The following DHRS9 variants were observed in gnomAD, a reference collection of about 807,000 sequenced individuals.
The protein encoded by DHRS9 is dehydrogenase/reductase SDR family member 9.
In DHRS9, 18 loss-of-function variants were observed where a neutral mutation model predicts 26.6. That is an observed-to-expected ratio of 0.68 (90% CI 0.47 to 1.00). The LOEUF (loss-of-function observed/expected upper bound fraction) is 1.00. Among genes scored for constraint, DHRS9 ranks in the 50% least tolerant of loss-of-function variants. The pLI is 0.00. For synonymous variants in DHRS9, 134 were observed against 141.1 expected, an observed-to-expected ratio of 0.95 and a Z score of 0.36; for missense variants, 425 against 378.7, an observed-to-expected ratio of 1.12 and a Z score of -1.01.
chr2:169,095,516 G>C (rs1426669653), intron 4 of DHRS9, 28 bp from the exon 5 acceptor site: 3 of 1,584,960 alleles, frequency 1.9e-6, no homozygotes, highest in Admixed American at 1.7e-5. Context: ...TTCTACCAAA[G>C]AGTAAATGTA....
Position 169,095,697 on chromosome 2 carries a change from T to C in DHRS9, c.890T>C (p.Met297Thr), listed in dbSNP as rs769297619. The C allele has an allele frequency of 1.2e-6, 2 of 1,613,988 alleles. No homozygotes were observed. Among genetic ancestry groups the C allele is most frequent in the South Asian group, 1.1e-5 (1 of 91,082 alleles). ...AKIFWIPLSH[M>T]PAALQDFLLL... The stretch of plus-strand genomic sequence containing the variant: ...ATTTTCTGGATACCTCTGTCTCACA[T>C]GCCAGCAGCTTTGCAAGACTTTTTA... Residue 297 changes from methionine to threonine, a missense_variant, in exon 5 of 5, where the codon ATG becomes ACG. Coordinates refer to ENST00000674881, the MANE Select transcript of DHRS9 (RefSeq NM_001376924.1).
At chr2:169,089,131 TA>T (rs970919295) in intron 3 of DHRS9, among the ~76,000 whole-genome samples, 3 of 152,184 alleles carry the variant, frequency 2.0e-5, no homozygotes, top group Non-Finnish European at 4.4e-5. Context: ...AAAGGACTTA[TA>T]AACATGTGTG....
intron 1 of DHRS9, among the ~76,000 whole-genome samples, chr2:169,079,280 GTC>G (rs1011847122): frequency 1.3e-5 from 2 of 151,918 alleles, no homozygotes; most frequent in African/African-American, 4.8e-5. Context: ...ATCTGAAATA[GTC>G]TGTTTCTCAA....
upstream of DHRS9, chr2:169,069,383 C>T: frequency 2.1e-6 from 2 of 972,536 alleles, no homozygotes; most frequent in Non-Finnish European, 2.4e-6. Flanking sequence ...TGTTATTGAT[C>T]ATTTTAAAGT....
At chr2:169,092,431 C>A (rs898332204) in intron 4 of DHRS9, among the ~76,000 whole-genome samples, 19 of 152,186 alleles carry the variant, frequency 1.2e-4, no homozygotes, top group Non-Finnish European at 1.3e-4. Context: ...TAGTTTACAA[C>A]CTAGTTGACA....
intron 1 of DHRS9, among the ~76,000 whole-genome samples, chr2:169,079,987 A>AGAGAGAGAGAG (rs1684122613): frequency 5.1e-5 from 2 of 39,034 alleles, no homozygotes. Context: ...GAGAGAGAGA[A>AGAGAGAGAGAG]AGAAAGAAAG....
rs749306188 is a variant in DHRS9 at position 169,091,816 on chromosome 2, A to G, written c.599A>G (p.His200Arg). The G allele has an allele frequency of 1.2e-6, 2 of 1,613,546 alleles. No homozygotes were observed. Among genetic ancestry groups the G allele is most frequent in the Admixed American group, 1.7e-5 (1 of 59,956 alleles). The change falls in exon 4 of 5, where the codon CAC becomes CGC. Residue 200 changes from histidine (H) to arginine (R), a missense_variant. By Grantham distance (29) the His-to-Arg change is conservative. Transcript: ENST00000674881. ...CGGGACATGAAAGCTTTTGGTGTGC[A>G]CGTCTCATGCATTGAACCAGGATTG... ...LRRDMKAFGV[H>R]VSCIEPGLFK...
At chr2:169,080,915 AATAC>A (rs1188398535) in intron 1 of DHRS9, 1 of 152,784 alleles carries the variant, frequency 6.5e-6, no homozygotes, top group African/African-American at 2.4e-5. Flanking sequence ...CTCCCACTTT[AATAC>A]TCATCTGCAT....
At chr2:169,095,061 C>T (rs989503124) in intron 4 of DHRS9, among the ~76,000 whole-genome samples, 1 of 152,198 alleles carries the variant, frequency 6.6e-6, no homozygotes, top group Non-Finnish European at 1.5e-5. Flanking sequence ...GTGCAACCCA[C>T]ATTTTCTCTA....
chr2:169,081,024 CA>C (rs199790929), intron 1 of DHRS9: 5 of 576,620 alleles, frequency 8.7e-6, no homozygotes, highest in African/African-American at 2.0e-5. Flanking sequence ...TTAGTGGCAA[CA>C]AAAAATGCTC....
chr2:169,071,394 G>A (rs1250039628), intron 1 of DHRS9, among the ~76,000 whole-genome samples: 1 of 152,166 alleles, frequency 6.6e-6, no homozygotes, highest in East Asian at 1.9e-4. Context: ...GGGATGTGAT[G>A]GTGAATTATA....
At position 169,081,868 on chromosome 2, in the gene DHRS9, G is replaced by A. The variant is rs767273633; in HGVS notation, c.287G>A (p.Trp96Ter). Residue 96 changes from tryptophan (W) to a stop codon, truncating the protein, a stop_gained, in exon 2 of 5, where the codon TGG becomes TAG. Transcript: ENST00000674881. LOFTEE classifies it high-confidence loss of function. ...DPENVKRTAQ[W>*]VKNQVGEKGL... is the part of the protein sequence containing the mutation. ...GAGAATGTCAAGAGGACTGCCCAGTGGGTGAAGAACCAAGTTGGGGAGAAA... is the reference window on the plus strand; with the variant it reads ...GAGAATGTCAAGAGGACTGCCCAGTAGGTGAAGAACCAAGTTGGGGAGAAA... The A allele has an allele frequency of 1.9e-6, 3 of 1,609,840 alleles. No homozygotes were observed. In the Admixed American group the frequency reaches 5.0e-5, roughly 27 times the overall value.
At chr2:169,087,611 A>T (rs1017121689) in intron 3 of DHRS9, among the ~76,000 whole-genome samples, 3 of 151,740 alleles carry the variant, frequency 2.0e-5, no homozygotes, top group Non-Finnish European at 2.9e-5. Context: ...ACCTGAGGCC[A>T]GCATGTCTCT....
rs1164784087 is a variant in DHRS9 at position 169,080,880 on chromosome 2, C to A, written c.-59-643C>A. Among the ~76,000 whole-genome samples, 3 of 152,234 alleles carry A rather than the reference C, an allele frequency of 2.0e-5. No homozygotes were observed. The South Asian group carries it at 6.2e-4, about 32-fold the overall frequency. On this transcript the variant is annotated intron_variant, in intron 1 of 4. Transcript: ENST00000674881. ...TCAGTCACTTCCCATTTATCTTGCCCTTTCTTGGTGAACTCACTTGTTGCC... is the reference window on the plus strand; with the variant it reads ...TCAGTCACTTCCCATTTATCTTGCCATTTCTTGGTGAACTCACTTGTTGCC...
chr2:169,083,240 C>T (rs1574030049), intron 2 of DHRS9, 89 bp from the exon 3 acceptor site: 53 of 1,486,612 alleles, frequency 3.6e-5, no homozygotes, highest in Non-Finnish European at 4.7e-5. Flanking sequence ...GGAAATGGCA[C>T]CATTGTGCAA....
In DHRS9 at chr2:169,095,903, G is replaced by A; in HGVS notation, c.*136G>A. The A allele has an allele frequency of 1.0e-5, 8 of 791,718 alleles. No homozygotes were observed. Among genetic ancestry groups the A allele is most frequent in the Non-Finnish European group, 1.6e-5 (8 of 492,798 alleles). The allele number at this position is 791,718 out of a possible 1,614,324, so 49.0% of individuals were successfully genotyped here. On this transcript the variant is annotated 3_prime_UTR_variant, in exon 5 of 5. Coordinates refer to ENST00000674881, the MANE Select transcript of DHRS9 (RefSeq NM_001376924.1). ...GTGCTTATTTGGATTGCAAAAGGGA[G>A]TCCCACCATCGCTGGTGGTATCCCA...
intron 3 of DHRS9, among the ~76,000 whole-genome samples, chr2:169,088,016 T>C (rs767197332): frequency 1.3e-5 from 2 of 152,174 alleles, no homozygotes; most frequent in Non-Finnish European, 2.9e-5. Context: ...ACTAGGTTGC[T>C]TGCCCCCCAA....
chr2:169,083,652 C>T, intron 3 of DHRS9, 65 bp downstream of exon 3: 1 of 1,559,626 alleles, frequency 6.4e-7, no homozygotes, highest in Non-Finnish European at 8.7e-7. Flanking sequence ...TGCTTATGTA[C>T]AAGACATCCT....
At chr2:169,081,168 GA>G (rs1212228304) in intron 1 of DHRS9, 36 of 1,015,616 alleles carry the variant, frequency 3.5e-5, no homozygotes, top group Non-Finnish European at 4.0e-5. Context: ...ATTTTACTGT[GA>G]GGGTCTGTCT....
Sources: gnomAD v4.1 joint callset for allele counts (sites outside exome capture counted in the v4.1 genomes callset) on GRCh38, gnomAD v4.1.1 for gene constraint, MANE v1.5 for transcripts, NCBI Gene and HGNC (gene_info 2026-07-23, HGNC 2026-07-21) for gene names.